Variants in RARB observed in about 807,000 individuals in gnomAD.
RARB encodes retinoic acid receptor beta, also known as HBV-activated protein.
A neutral mutation model predicts 51.9 loss-of-function variants in RARB; 17 were observed. That is an observed-to-expected ratio of 0.33 (90% CI 0.22 to 0.49). RARB has a LOEUF of 0.49. Among genes scored for constraint, RARB ranks in the 20% least tolerant of loss-of-function variants. The pLI is 0.99. For missense variants in RARB, 369 were observed against 550.8 expected (o/e 0.67, Z 3.30); for synonymous variants, 215 against 195.4 (o/e 1.10, Z -0.84).
chr3:25,072,885 T>C (rs914308104), intron 3 of RARB, among the ~76,000 whole-genome samples: 5 of 151,876 alleles, frequency 3.3e-5, no homozygotes, highest in Admixed American at 6.6e-5. Context: ...ATTTTTTGTA[T>C]TTTTTTAGTA....
chr3:25,321,779 A>C (rs111493917), intron 5 of RARB, among the ~76,000 whole-genome samples: 2,222 of 152,010 alleles, frequency 0.015, 27 homozygotes, highest in African/African-American at 0.031. Flanking sequence ...ATGCAAAGAG[A>C]CCTTGCTCTT....
rs145319672 is a variant in RARB at position 25,092,534 on chromosome 3, A to G, written c.-328+32358A>G. Among the ~76,000 whole-genome samples, 494 of 152,232 alleles carry G rather than the reference A, an allele frequency of 3.2e-3. 3 individuals carry two copies. The highest frequency in any genetic ancestry group is 5.3e-3 in the Non-Finnish European group (358 of 68,002). ...CTTTCATGGTGTGCCTGTAAAGTAT[A>G]CAATAACTGTTAACTCCAGCCCTCT... On this transcript the variant is annotated intron_variant, in intron 3 of 11. Transcript: ENST00000383772.
At chr3:25,296,516 A>G (rs1311425873) in intron 5 of RARB, among the ~76,000 whole-genome samples, 1 of 152,180 alleles carries the variant, frequency 6.6e-6, no homozygotes, top group Non-Finnish European at 1.5e-5. Flanking sequence ...AAATGAGTTC[A>G]TACATGAATA....
At chr3:25,415,556 C>A (rs963109520) in intron 5 of RARB, among the ~76,000 whole-genome samples, 4 of 152,128 alleles carry the variant, frequency 2.6e-5, no homozygotes, top group Non-Finnish European at 5.9e-5. Context: ...TAGGAAAATA[C>A]TACCTTTTTC....
intron 5 of RARB, among the ~76,000 whole-genome samples, chr3:25,392,127 G>A (rs962728833): frequency 5.9e-5 from 9 of 152,074 alleles, no homozygotes; most frequent in African/African-American, 2.2e-4. Context: ...AATTTTCTTA[G>A]CACCATTTGA....
intron 3 of RARB, among the ~76,000 whole-genome samples, chr3:25,558,288 G>C (rs1384269025): frequency 6.6e-6 from 1 of 152,052 alleles, no homozygotes; most frequent in African/African-American, 2.4e-5. Context: ...TGCTACAAAT[G>C]TTCTCTCGAA....
chr3:25,293,339 C>G (rs1703834606), intron 5 of RARB, among the ~76,000 whole-genome samples: 1 of 152,004 alleles, frequency 6.6e-6, no homozygotes, highest in African/African-American at 2.4e-5. Flanking sequence ...ATAATAATAC[C>G]TACTTCATAA....
chr3:25,027,212 G>A (rs1697767507), intron 2 of RARB, among the ~76,000 whole-genome samples: 1 of 111,898 alleles, frequency 8.9e-6, no homozygotes, highest in African/African-American at 3.3e-5. Flanking sequence ...AAATAAACAG[G>A]AAGAATCCAA....
chr3:25,191,964 G>A (rs560206897), intron 5 of RARB, among the ~76,000 whole-genome samples: 1 of 152,242 alleles, frequency 6.6e-6, no homozygotes, highest in South Asian at 2.1e-4. Flanking sequence ...CTTAGGGGAA[G>A]ACAGTGAGTG....
rs943598027 is a variant in RARB at position 24,875,627 on chromosome 3, T to C, written c.-380+16875T>C. Among the ~76,000 whole-genome samples the C allele has an allele frequency of 1.1e-4, 17 of 152,266 alleles. No individual in the cohort carries two copies. The East Asian group carries it at 2.9e-3, about 26-fold the overall frequency. ...TGTTGTTTTAGTGTGAAATGTCTATTTTCAGGAAAGTTACAAAGATATTTC... is the reference window on the plus strand; with the variant it reads ...TGTTGTTTTAGTGTGAAATGTCTATCTTCAGGAAAGTTACAAAGATATTTC... On this transcript the variant is annotated intron_variant, in intron 2 of 11. Coordinates refer to the RARB transcript ENST00000383772.
chr3:24,890,934 C>T (rs958706662), intron 2 of RARB, among the ~76,000 whole-genome samples: 2 of 152,084 alleles, frequency 1.3e-5, no homozygotes, highest in Non-Finnish European at 2.9e-5. Flanking sequence ...CTTTCTTCTC[C>T]TGCAAAATGG....
In RARB at chr3:25,529,711, ATTTG is replaced by A. The variant is rs1216719203; in HGVS notation, c.448+28391_448+28394del. Among the ~76,000 whole-genome samples the A allele has an allele frequency of 4.6e-5, 7 of 152,172 alleles. No individual in the cohort carries two copies. In the East Asian group the frequency reaches 1.4e-3, roughly 29 times the overall value. On this transcript the variant is annotated intron_variant, in intron 3 of 7. Coordinates refer to ENST00000330688, the MANE Select transcript of RARB (RefSeq NM_000965.5). Reference sequence around the variant, plus strand: ...TAGTGGTTTTCCCATGACTGTATACATTTGTTAAAACTCATAGAACTGTATGCCA... The same window carrying A: ...TAGTGGTTTTCCCATGACTGTATACATTAAAACTCATAGAACTGTATGCCA...
At chr3:25,527,081 A>G (rs1264805476) in intron 3 of RARB, among the ~76,000 whole-genome samples, 1 of 152,190 alleles carries the variant, frequency 6.6e-6, no homozygotes, top group East Asian at 1.9e-4. Context: ...CAAATGGACT[A>G]TGTACACCAG....
At position 25,437,763 on chromosome 3, in the gene RARB, A is replaced by C. The variant is rs547241025; in HGVS notation, c.157+8875A>C. Among the ~76,000 whole-genome samples, 311 of 152,292 alleles carry C rather than the reference A, an allele frequency of 2.0e-3. 1 individual carries two copies. The highest frequency in any genetic ancestry group is 7.3e-3 in the African/African-American group (304 of 41,560). On this transcript the variant is annotated intron_variant, in intron 1 of 7. Transcript: ENST00000330688. ...CATCTCTAAAAGTAGTTCACAAAGG[A>C]GTTCTAAACCTATCTTACACAGTGG...
intron 5 of RARB, among the ~76,000 whole-genome samples, chr3:25,331,516 A>G (rs554534275): frequency 6.6e-6 from 1 of 152,352 alleles, no homozygotes; most frequent in African/African-American, 2.4e-5. Context: ...TCTGGGACAC[A>G]TGTAAAGCAG....
intron 5 of RARB, chr3:25,259,165 G>T (rs1702938261): frequency 1.2e-6 from 1 of 803,228 alleles, no homozygotes; most frequent in South Asian, 5.7e-5. Context: ...AAATAGATAT[G>T]GTAAAGTAGA....
chr3:24,929,919 T>G (rs1695404255), intron 2 of RARB, among the ~76,000 whole-genome samples: 1 of 152,150 alleles, frequency 6.6e-6, no homozygotes, highest in African/African-American at 2.4e-5. Context: ...TGTATCTTGT[T>G]TTACCTATTT....
chr3:25,594,780 A>G (rs1317411795), intron 7 of RARB, 102 bp downstream of exon 7: 2 of 1,122,648 alleles, frequency 1.8e-6, no homozygotes, highest in Admixed American at 3.0e-5. Flanking sequence ...GGCTGCTTTT[A>G]AAGTCTTGGA....
chr3:24,889,769 T>G lies in RARB; in HGVS notation c.-380+31017T>G, dbSNP rs143199136. ...CTAATTTTTAAAGTATGTGAGTATG[T>G]GTTCTTGTTTGTTTATACTTTGAAA... is the stretch of plus-strand genomic sequence containing the variant. On this transcript the variant is annotated intron_variant, in intron 2 of 11. Transcript: ENST00000383772. Among the ~76,000 whole-genome samples, 163 of 151,786 alleles carry G rather than the reference T, an allele frequency of 1.1e-3. No individual in the cohort carries two copies. The East Asian group carries it at 0.014, about 13-fold the overall frequency.
Sources: gnomAD v4.1 joint callset for allele counts (sites outside exome capture counted in the v4.1 genomes callset) on GRCh38, gnomAD v4.1.1 for gene constraint, MANE v1.5 for transcripts, NCBI Gene and HGNC (gene_info 2026-07-23, HGNC 2026-07-21) for gene names.